The following DMD variants were observed in gnomAD, a reference collection of about 807,000 sequenced individuals.
DMD encodes the protein dystrophin.
A neutral mutation model predicts 330.1 loss-of-function variants in DMD; 63 were observed. The observed-to-expected ratio is 0.19, with a 90% CI of 0.16 to 0.24. The LOEUF (loss-of-function observed/expected upper bound fraction) is 0.24, where lower values mean the gene tolerates loss of function less well. Among genes scored for constraint, DMD ranks in the 10% least tolerant of loss-of-function variants. DMD has a pLI of 1.00. For missense variants in DMD, 3,344 were observed against 2,684.1 expected (o/e 1.25, Z -5.43); for synonymous variants, 1,223 against 959.8 (o/e 1.27, Z -5.07).
intron 43 of DMD, among the ~76,000 whole-genome samples, chrX:32,273,277 TAAATA>T (rs2097372060): frequency 2.3e-5 from 2 of 88,770 alleles, no homozygotes; most frequent in African/African-American, 4.5e-5. Context: ...TAGGGCTCCT[TAAATA>T]AAACAAAACA....
intron 29 of DMD, among the ~76,000 whole-genome samples, chrX:32,418,699 G>C (rs1017751463): frequency 9.0e-6 from 1 of 110,704 alleles, no homozygotes; most frequent in Non-Finnish European, 1.9e-5. Context: ...TCAGAAATTG[G>C]TTCTTACAAT....
intron 9 of DMD, among the ~76,000 whole-genome samples, chrX:32,682,497 G>A (rs370797599): frequency 9.7e-4 from 108 of 111,396 alleles, no homozygotes; most frequent in African/African-American, 3.4e-3. Context: ...TTCTATTAGC[G>A]AGTATTCAAA....
intron 50 of DMD, among the ~76,000 whole-genome samples, chrX:31,816,190 G>T (rs1053030394): frequency 8.1e-5 from 9 of 111,790 alleles, no homozygotes; most frequent in African/African-American, 2.9e-4. Flanking sequence ...GATATGGACA[G>T]GTGTCTAAGC....
intron 56 of DMD, among the ~76,000 whole-genome samples, chrX:31,506,255 T>C (rs1201870870): frequency 2.7e-5 from 3 of 111,626 alleles, no homozygotes; most frequent in African/African-American, 9.8e-5. Flanking sequence ...TTTGGACAAG[T>C]TAGAAGAACT....
chrX:32,765,273 GATGA>G (rs1465634391), intron 7 of DMD, among the ~76,000 whole-genome samples: 1 of 110,793 alleles, frequency 9.0e-6, no homozygotes. Context: ...GCAAATTTCT[GATGA>G]ATGGTTTAGT....
chrX:32,840,372 G>T (rs1333513199), intron 4 of DMD, among the ~76,000 whole-genome samples: 5 of 111,328 alleles, frequency 4.5e-5, no homozygotes, highest in Non-Finnish European at 7.5e-5. Context: ...GAAAACATGG[G>T]GTCTATGATC....
intron 52 of DMD, among the ~76,000 whole-genome samples, chrX:31,725,925 G>A (rs1473162595): frequency 1.8e-5 from 2 of 112,296 alleles, no homozygotes; most frequent in South Asian, 7.5e-4. Flanking sequence ...TAACAGACAC[G>A]AACAAGAGTT....
At chrX:32,502,595 G>A (rs1230118004) in intron 18 of DMD, among the ~76,000 whole-genome samples, 1 of 111,927 alleles carries the variant, frequency 8.9e-6, no homozygotes, top group Non-Finnish European at 1.9e-5. Context: ...TCATCAAGAA[G>A]TGTTGACTAT....
At chrX:31,255,869 G>A (rs1027698055) in intron 63 of DMD, among the ~76,000 whole-genome samples, 38 of 104,814 alleles carry the variant, frequency 3.6e-4, no homozygotes, top group African/African-American at 1.3e-3. Context: ...TCCGACTCCT[G>A]GGTTCAAGTG....
intron 50 of DMD, among the ~76,000 whole-genome samples, chrX:31,794,032 C>A (rs191177142): frequency 1.8e-5 from 2 of 110,330 alleles, no homozygotes; most frequent in African/African-American, 6.6e-5. Context: ...CAAGTTTTCC[C>A]GACAATTCTA....
In DMD at chrX:32,131,077, C is replaced by T. The variant is rs544840449; in HGVS notation, c.6438+85839G>A. Among the ~76,000 whole-genome samples, 571 of 110,578 alleles carry T rather than the reference C, an allele frequency of 5.2e-3. 4 individuals are homozygous for T. The highest frequency in any genetic ancestry group is 0.018 in the African/African-American group (551 of 30,352). ...GCGCATGCCTGTAATCCCAGCTACTCGGTAGGCTGAGGCAGGAGAATCATT... is the reference window on the plus strand; with the variant it reads ...GCGCATGCCTGTAATCCCAGCTACTTGGTAGGCTGAGGCAGGAGAATCATT... On this transcript the variant is annotated intron_variant, in intron 44 of 78. Coordinates refer to ENST00000357033, the MANE Select transcript of DMD (RefSeq NM_004006.3).
chrX:33,163,436 T>A (rs1388565738), intron 1 of DMD, among the ~76,000 whole-genome samples: 2 of 108,486 alleles, frequency 1.8e-5, no homozygotes, highest in Non-Finnish European at 3.8e-5. Flanking sequence ...CCTGGGAGGC[T>A]GAAGCAGGAG....
chrX:31,320,887 G>C (rs1157587832), intron 62 of DMD, among the ~76,000 whole-genome samples: 3 of 111,470 alleles, frequency 2.7e-5, no homozygotes, highest in African/African-American at 9.8e-5. Context: ...TCAAGGAACT[G>C]ATTATTTCAG....
Position 33,009,415 on chromosome X carries a change from CAT to C in DMD, c.93+10722_93+10723del, listed in dbSNP as rs1481955059. On this transcript the variant is annotated intron_variant, in intron 2 of 78. Coordinates refer to ENST00000357033, the MANE Select transcript of DMD (RefSeq NM_004006.3). ...ATATGTGTGTATATGTGTATATACA[CAT>C]GTGTGTATATGTATGTGTATACACA... Among the ~76,000 whole-genome samples the C allele has an allele frequency of 7.3e-5, 6 of 81,643 alleles. 1 individual carries two copies. The highest frequency in any genetic ancestry group is 1.2e-4 in the Non-Finnish European group (5 of 43,063). 70.9% of individuals were successfully genotyped at this position (81,643 alleles called of 115,157 possible).
chrX:31,894,405 C>G (rs1252321466), intron 47 of DMD, among the ~76,000 whole-genome samples: 3 of 111,529 alleles, frequency 2.7e-5, no homozygotes, highest in Non-Finnish European at 5.6e-5. Flanking sequence ...AAGTATGCAG[C>G]TACATTCCCG....
At chrX:31,312,949 G>T (rs2055644644) in intron 62 of DMD, among the ~76,000 whole-genome samples, 1 of 110,107 alleles carries the variant, frequency 9.1e-6, no homozygotes, top group Admixed American at 9.7e-5. Context: ...ACCAGGGCCT[G>T]TTGGGGTTTG....
rs374289828 is a variant in DMD, at chrX:33,192,288, T to A, written c.31+18994A>T. On this transcript the variant is annotated intron_variant, in intron 1 of 78. Coordinates refer to ENST00000357033, the MANE Select transcript of DMD (RefSeq NM_004006.3). ...CAGATTCATTAAGAATGTGAAAGTA[T>A]TCCCATTCATTCAAATTAACATTAA... Among the ~76,000 whole-genome samples the A allele has an allele frequency of 3.2e-4, 36 of 111,928 alleles. No homozygotes were observed. In the East Asian group the frequency reaches 9.6e-3, roughly 30 times the overall value.
At chrX:32,070,020 A>G (rs1200979301) in intron 44 of DMD, among the ~76,000 whole-genome samples, 1 of 111,753 alleles carries the variant, frequency 8.9e-6, no homozygotes, top group Non-Finnish European at 1.9e-5. Context: ...GCAGGACTGT[A>G]GGTAGCCACA....
At chrX:31,755,376 G>A (rs185392431) in intron 51 of DMD, among the ~76,000 whole-genome samples, 13 of 111,862 alleles carry the variant, frequency 1.2e-4, no homozygotes, top group African/African-American at 1.6e-4. Context: ...CATTGAATCC[G>A]AAGATTCTAG....
Sources: allele counts gnomAD v4.1 joint callset (sites outside exome capture counted in the v4.1 genomes callset), GRCh38; gene constraint gnomAD v4.1.1; transcripts MANE v1.5; gene names NCBI Gene and HGNC (gene_info 2026-07-23, HGNC 2026-07-21).